Variants in PTPRN2 observed in about 807,000 individuals in gnomAD.
The protein encoded by PTPRN2 is receptor-type tyrosine-protein phosphatase N2.
PTPRN2 carries 74 observed loss-of-function variants against 118.8 expected under a neutral mutation model. The observed-to-expected ratio is 0.62, with a 90% CI of 0.52 to 0.76. The LOEUF (loss-of-function observed/expected upper bound fraction) is 0.76. Ranked by LOEUF, PTPRN2 falls within the 30% of genes least tolerant of loss-of-function variation. The pLI is 0.00. For synonymous variants in PTPRN2, 641 were observed against 608.0 expected (o/e 1.05, Z -0.80); for missense variants, 1,481 against 1,394.4 (o/e 1.06, Z -0.99).
chr7:157,798,845 G>C (rs1805043105), intron 12 of PTPRN2, among the ~76,000 whole-genome samples: 1 of 148,694 alleles, frequency 6.7e-6, no homozygotes, highest in Admixed American at 6.6e-5. Flanking sequence ...GGCAGGGTGG[G>C]CGTCCCACCG....
chr7:158,187,437 G>A (rs1177738646), intron 5 of PTPRN2, among the ~76,000 whole-genome samples: 1 of 152,188 alleles, frequency 6.6e-6, no homozygotes, highest in Non-Finnish European at 1.5e-5. Context: ...CAGCTGAGAG[G>A]GGAGGGGAGA....
intron 2 of PTPRN2, among the ~76,000 whole-genome samples, chr7:158,351,364 G>A (rs1358932643): frequency 6.6e-6 from 1 of 152,100 alleles, no homozygotes; most frequent in Non-Finnish European, 1.5e-5. Flanking sequence ...TCCCTTTTGG[G>A]TTCCTAATTG....
chr7:158,272,048 G>A (rs1419005004), intron 3 of PTPRN2, among the ~76,000 whole-genome samples: 4 of 152,176 alleles, frequency 2.6e-5, no homozygotes, highest in Non-Finnish European at 5.9e-5. Context: ...TCAAAAGACG[G>A]TCAGGTTGTT....
chr7:158,277,765 A>C (rs1799122595), intron 3 of PTPRN2, among the ~76,000 whole-genome samples: 1 of 152,146 alleles, frequency 6.6e-6, no homozygotes, highest in Non-Finnish European at 1.5e-5. Flanking sequence ...TGGTCAGGCC[A>C]CCCTGGGAAA....
rs1190998533 is a variant in PTPRN2, at chr7:157,763,804, G to T, written c.1789-80867C>A. On this transcript the variant is annotated intron_variant, in intron 12 of 22. Transcript: ENST00000389418. The surrounding 1 kb of genome is among the most constrained non-coding windows in gnomAD (Gnocchi z 4.9). ...GTAGGAGGAGGCTGCACCGGGCAGG[G>T]TTAGGGGCTGCTGGGCCTCTGCTGT... 6.6e-6 allele frequency among the ~76,000 whole-genome samples: 1 copy of T among 152,088 alleles called. No individual in the cohort carries two copies. The highest frequency in any genetic ancestry group is 2.4e-5 in the African/African-American group (1 of 41,428).
rs532878486 is a variant in PTPRN2 at position 157,841,106 on chromosome 7, G to A, written c.1788+57567C>T. 2.7e-3 allele frequency among the ~76,000 whole-genome samples: 409 copies of A among 152,344 alleles called. 1 individual carries two copies. The highest frequency in any genetic ancestry group is 8.9e-3 in the African/African-American group (371 of 41,582). ...CTCCCAGCACAGGGCAGAGGCGGTC[G>A]CAGAGCTGCATGATCTACTTTTAAG... is the stretch of plus-strand genomic sequence containing the variant. On this transcript the variant is annotated intron_variant, in intron 12 of 22. Transcript: ENST00000389418.
chr7:158,189,688 C>T (rs1279006493), intron 5 of PTPRN2, among the ~76,000 whole-genome samples: 1 of 152,204 alleles, frequency 6.6e-6, no homozygotes, highest in Non-Finnish European at 1.5e-5. Context: ...TTACTAAAAC[C>T]ATCTCTGGAC....
chr7:157,613,534 TC>T (rs1034299244), intron 15 of PTPRN2, among the ~76,000 whole-genome samples: 2 of 152,052 alleles, frequency 1.3e-5, no homozygotes, highest in African/African-American at 4.8e-5. Context: ...CCGGGGCGCG[TC>T]CTCAGAAGCC....
At chr7:158,564,464 A>G (rs920928749) in intron 1 of PTPRN2, among the ~76,000 whole-genome samples, 1 of 152,222 alleles carries the variant, frequency 6.6e-6, no homozygotes, top group Non-Finnish European at 1.5e-5. Flanking sequence ...CACCACCCCC[A>G]TCACCAACAC....
At chr7:158,409,584 C>T (rs1813867890) in intron 2 of PTPRN2, among the ~76,000 whole-genome samples, 1 of 152,202 alleles carries the variant, frequency 6.6e-6, no homozygotes, top group African/African-American at 2.4e-5. Flanking sequence ...AGCTCAAACT[C>T]CGGCAGGAGA....
Position 158,303,309 on chromosome 7 carries a change from G to A in PTPRN2, c.277+13510C>T, listed in dbSNP as rs186967032. On this transcript the variant is annotated intron_variant, in intron 3 of 22. Coordinates refer to ENST00000389418, the MANE Select transcript of PTPRN2 (RefSeq NM_002847.5). ...TTCCGCTCTCCATTCCACACCAGCCGAAGGACCCCAGGAACACCCTGTAAT... is the reference window on the plus strand; with the variant it reads ...TTCCGCTCTCCATTCCACACCAGCCAAAGGACCCCAGGAACACCCTGTAAT... 8.5e-5 allele frequency among the ~76,000 whole-genome samples: 13 copies of A among 152,224 alleles called. No individual in the cohort carries two copies. The East Asian group carries it at 1.4e-3, about 16-fold the overall frequency.
chr7:158,304,651 G>A (rs539131164), intron 3 of PTPRN2, among the ~76,000 whole-genome samples: 6 of 152,348 alleles, frequency 3.9e-5, no homozygotes, highest in African/African-American at 1.4e-4. Context: ...CCAGGGCATA[G>A]GTGAATTCAA....
intron 12 of PTPRN2, among the ~76,000 whole-genome samples, chr7:157,686,091 T>C (rs1797176053): frequency 6.6e-6 from 1 of 152,182 alleles, no homozygotes; most frequent in Non-Finnish European, 1.5e-5. Flanking sequence ...AGGGTCTTAC[T>C]GCAGGGAAGG....
chr7:157,909,392 G>T (rs893334327), intron 11 of PTPRN2, among the ~76,000 whole-genome samples: 1 of 152,222 alleles, frequency 6.6e-6, no homozygotes, highest in Non-Finnish European at 1.5e-5. Context: ...ACACTGGGGG[G>T]GGGAGGATGC....
At chr7:157,774,735 C>T (rs774146513) in intron 12 of PTPRN2, among the ~76,000 whole-genome samples, 16 of 152,100 alleles carry the variant, frequency 1.1e-4, no homozygotes, top group South Asian at 2.1e-4. Flanking sequence ...AGGGCACGCC[C>T]GACAGGGGAG....
In PTPRN2 at chr7:157,596,290, TGTGGCAGAGCCGGGGCGGAAG is replaced by T. The variant is rs891292695; in HGVS notation, c.2419-996_2419-976del. 6.6e-6 allele frequency among the ~76,000 whole-genome samples: 1 copy of T among 152,208 alleles called. No individual in the cohort carries two copies. Among genetic ancestry groups the T allele is most frequent in the Non-Finnish European group, 1.5e-5 (1 of 68,038 alleles). On this transcript the variant is annotated intron_variant, in intron 16 of 22. Transcript: ENST00000389418. This position sits in a 1 kb window ranked among gnomAD's most constrained non-coding sequence, Gnocchi z 4.2. ...CAGCCGGTCAGCCTGGGCCTGGGTCTGTGGCAGAGCCGGGGCGGAAGGGCCTTGCTGGGAGTGGCCTCCTGT... is the reference window on the plus strand; with the variant it reads ...CAGCCGGTCAGCCTGGGCCTGGGTCTGGCCTTGCTGGGAGTGGCCTCCTGT...
intron 12 of PTPRN2, among the ~76,000 whole-genome samples, chr7:157,815,874 C>T (rs1474151220): frequency 9.9e-5 from 15 of 152,226 alleles, no homozygotes; most frequent in Non-Finnish European, 1.5e-5. Flanking sequence ...TGACACGTTG[C>T]AGACATCGCT....
rs1563259024 is a variant in PTPRN2 at position 157,610,552 on chromosome 7, A to G, written c.2345-6477T>C. Among the ~76,000 whole-genome samples, 1 of 152,202 alleles carries G rather than the reference A, an allele frequency of 6.6e-6. No individual in the cohort carries two copies. Among genetic ancestry groups the G allele is most frequent in the Non-Finnish European group, 1.5e-5 (1 of 68,030 alleles). The stretch of plus-strand genomic sequence containing the variant: ...GTGTCCATCGAGGTCTGAGGGCTGC[A>G]AAGGCACATCCCGGGGCTGCTGGCC... On this transcript the variant is annotated intron_variant, in intron 15 of 22. Transcript: ENST00000389418. The surrounding 1 kb of genome is among the most constrained non-coding windows in gnomAD (Gnocchi z 5.1).
At chr7:157,693,871 C>T (rs1053845346) in intron 12 of PTPRN2, among the ~76,000 whole-genome samples, 6 of 152,204 alleles carry the variant, frequency 3.9e-5, no homozygotes, top group Non-Finnish European at 7.4e-5. Flanking sequence ...GGCCGGTAGC[C>T]GTCTCCCTCG....
Sources: gnomAD v4.1 joint callset for allele counts (sites outside exome capture counted in the v4.1 genomes callset) on GRCh38, gnomAD v4.1.1 for gene constraint, Gnocchi (gnomAD v3.1) non-coding constraint, MANE v1.5 for transcripts, NCBI Gene and HGNC (gene_info 2026-07-23, HGNC 2026-07-21) for gene names.